The following SETBP1 variants were observed in gnomAD, a reference collection of about 807,000 sequenced individuals.
SETBP1 encodes SET-binding protein.
A neutral mutation model predicts 101.0 loss-of-function variants in SETBP1; 9 were observed. The observed-to-expected ratio is 0.09, with a 90% confidence interval of 0.05 to 0.16. SETBP1 has a LOEUF of 0.16. SETBP1 is among the 10% of genes least tolerant of loss of function. The pLI is 1.00. For synonymous variants in SETBP1, 818 were observed against 788.5 expected, an observed-to-expected ratio of 1.04 and a Z score of -0.63; for missense variants, 1,858 against 2,033.8, an observed-to-expected ratio of 0.91 and a Z score of 1.66.
At chr18:44,953,412 TG>T in intron 4 of SETBP1, 72 bp downstream of exon 4, 1 of 1,311,554 alleles carries the variant, frequency 7.6e-7, no homozygotes, top group Non-Finnish European at 1.1e-6. Context: ...CAGACACATC[TG>T]TGGCACATTG....
intron 2 of SETBP1, among the ~76,000 whole-genome samples, chr18:44,807,705 A>G (rs1277534589): frequency 6.6e-6 from 1 of 152,152 alleles, no homozygotes; most frequent in Non-Finnish European, 1.5e-5. Flanking sequence ...TCATTTCTAG[A>G]AAGATTTATA....
intron 2 of SETBP1, among the ~76,000 whole-genome samples, chr18:44,709,015 A>T (rs565701782): frequency 1.3e-5 from 2 of 152,360 alleles, no homozygotes; most frequent in South Asian, 4.1e-4. Flanking sequence ...TGAGCTTAAA[A>T]TGTGGTGATT....
At chr18:45,005,056 G>A (rs2072695959) in intron 4 of SETBP1, among the ~76,000 whole-genome samples, 1 of 152,270 alleles carries the variant, frequency 6.6e-6, no homozygotes, top group South Asian at 2.1e-4. Flanking sequence ...AAGGGCTTTG[G>A]CGCAGCATCT....
intron 3 of SETBP1, among the ~76,000 whole-genome samples, chr18:44,933,023 G>A (rs1457748460): frequency 6.6e-6 from 1 of 152,194 alleles, no homozygotes; most frequent in Admixed American, 6.5e-5. Flanking sequence ...GAGGAGAAGA[G>A]GTGCTCTGAT....
intron 4 of SETBP1, among the ~76,000 whole-genome samples, chr18:44,974,528 G>C (rs1170994434): frequency 6.6e-6 from 1 of 152,118 alleles, no homozygotes; most frequent in South Asian, 2.1e-4. Flanking sequence ...AGGATTTGAG[G>C]TTCTAAACTA....
intron 2 of SETBP1, among the ~76,000 whole-genome samples, chr18:44,772,179 G>A (rs1394924464): frequency 6.6e-6 from 1 of 152,116 alleles, no homozygotes; most frequent in African/African-American, 2.4e-5. Flanking sequence ...CTTTTCCAAA[G>A]GTTGACTCTC....
At chr18:44,754,892 T>C (rs964278497) in intron 2 of SETBP1, among the ~76,000 whole-genome samples, 2 of 152,208 alleles carry the variant, frequency 1.3e-5, no homozygotes, top group African/African-American at 4.8e-5. Context: ...CCCAACATAG[T>C]GGGTCAAAGA....
intron 1 of SETBP1, among the ~76,000 whole-genome samples, chr18:44,682,810 A>C (rs1299427662): frequency 6.6e-6 from 1 of 152,118 alleles, no homozygotes; most frequent in African/African-American, 2.4e-5. Flanking sequence ...ACAAAACCAA[A>C]ACCAAAACAA....
intron 2 of SETBP1, among the ~76,000 whole-genome samples, chr18:44,810,616 A>T (rs921664297): frequency 6.6e-6 from 1 of 152,136 alleles, no homozygotes; most frequent in Admixed American, 6.5e-5. Context: ...GGGTCTGGAG[A>T]TCCTAATTGT....
At chr18:44,844,353 G>GCGCACA (rs1406482456) in intron 2 of SETBP1, among the ~76,000 whole-genome samples, 59 of 138,300 alleles carry the variant, frequency 4.3e-4, no homozygotes, top group African/African-American at 1.0e-3. Context: ...ACACACGCGC[G>GCGCACA]CACACACACA....
chr18:44,784,885 A>G (rs2071206397), intron 2 of SETBP1, among the ~76,000 whole-genome samples: 1 of 152,212 alleles, frequency 6.6e-6, no homozygotes, highest in Non-Finnish European at 1.5e-5. Flanking sequence ...ATATGTATTT[A>G]TACATGGGAG....
intron 5 of SETBP1, among the ~76,000 whole-genome samples, chr18:45,039,583 C>A (rs971964939): frequency 6.6e-6 from 1 of 152,196 alleles, no homozygotes; most frequent in South Asian, 2.1e-4. Context: ...CAGAGTCAAC[C>A]GTTTAGATTC....
intron 4 of SETBP1, among the ~76,000 whole-genome samples, chr18:44,965,408 A>T (rs1361236893): frequency 6.6e-6 from 1 of 152,132 alleles, no homozygotes; most frequent in African/African-American, 2.4e-5. Context: ...ACTTGCTATT[A>T]ATTTTAGGCT....
chr18:44,864,621 G>T (rs959433396), intron 2 of SETBP1, among the ~76,000 whole-genome samples: 1 of 152,068 alleles, frequency 6.6e-6, no homozygotes, highest in Non-Finnish European at 1.5e-5. Flanking sequence ...ACACTGCCGG[G>T]CTCCACCAGG....
chr18:45,057,896 G>A (rs1432792943), intron 5 of SETBP1, among the ~76,000 whole-genome samples: 1 of 152,188 alleles, frequency 6.6e-6, no homozygotes, highest in Non-Finnish European at 1.5e-5. Flanking sequence ...GGGGCCTACT[G>A]TATGTACAAA....
chr18:45,043,542 T>A (rs546396541), intron 5 of SETBP1, among the ~76,000 whole-genome samples: 1 of 152,330 alleles, frequency 6.6e-6, no homozygotes, highest in East Asian at 1.9e-4. Context: ...TGAGCACAGC[T>A]CTTAGCTTCT....
intron 2 of SETBP1, among the ~76,000 whole-genome samples, chr18:44,758,164 T>C (rs1051947327): frequency 7.2e-5 from 11 of 152,230 alleles, no homozygotes; most frequent in African/African-American, 2.4e-4. Flanking sequence ...TGGACATAGA[T>C]TACTGAGGCA....
chr18:44,814,620 G>A (rs967923159), intron 2 of SETBP1, among the ~76,000 whole-genome samples: 1 of 152,186 alleles, frequency 6.6e-6, no homozygotes, highest in Admixed American at 6.5e-5. Context: ...AACCCCACAT[G>A]ACAAGGACAA....
intron 1 of SETBP1, among the ~76,000 whole-genome samples, chr18:44,688,613 C>A (rs985185275): frequency 6.6e-6 from 1 of 151,948 alleles, no homozygotes; most frequent in Non-Finnish European, 1.5e-5. Flanking sequence ...CCACCATGCC[C>A]AGCTAATTTT....
Sources: gnomAD v4.1 joint callset for allele counts (sites outside exome capture counted in the v4.1 genomes callset) on GRCh38, gnomAD v4.1.1 for gene constraint, MANE v1.5 for transcripts, NCBI Gene and HGNC (gene_info 2026-07-23, HGNC 2026-07-21) for gene names.